The following RPE65 variants were observed in gnomAD, a reference collection of about 807,000 sequenced individuals.
The protein encoded by RPE65 is retinoid isomerohydrolase.
In RPE65, 58 loss-of-function variants were observed where a neutral mutation model predicts 68.5. The ratio of observed to expected loss-of-function variants is 0.85; its 90% CI spans 0.69 to 1.05. The LOEUF is 1.05. Among genes scored for constraint, RPE65 ranks in the 50% least tolerant of loss-of-function variants. The probability of loss-of-function intolerance (pLI) is 0.00; values close to 1 mark genes in which losing one functional copy is unlikely to be tolerated. For missense variants in RPE65, 643 were observed against 629.9 expected (o/e 1.02, Z -0.22); for synonymous variants, 220 against 222.2 (o/e 0.99, Z 0.09).
intron 13 of RPE65, among the ~76,000 whole-genome samples, chr1:68,430,309 C>A (rs1645817076): frequency 6.6e-6 from 1 of 152,134 alleles, no homozygotes; most frequent in Non-Finnish European, 1.5e-5. Context: ...CTGTGATGAT[C>A]ACATGAAAAG....
intron 10 of RPE65, among the ~76,000 whole-genome samples, chr1:68,432,696 T>G (rs1270701910): frequency 6.6e-6 from 1 of 152,064 alleles, no homozygotes; most frequent in Admixed American, 6.6e-5. Flanking sequence ...TCTTTCTCTG[T>G]GAGTGAGTGA....
chr1:68,443,125 T>C (rs554816888), intron 5 of RPE65, among the ~76,000 whole-genome samples: 169 of 152,298 alleles, frequency 1.1e-3, no homozygotes, highest in African/African-American at 4.0e-3. Flanking sequence ...TTTCAGTAGC[T>C]TCCCATTAGC....
intron 5 of RPE65, among the ~76,000 whole-genome samples, chr1:68,441,815 A>AT (rs900812452): frequency 1.6e-5 from 2 of 126,566 alleles, no homozygotes; most frequent in Admixed American, 7.1e-5. Context: ...AATTAGGGAG[A>AT]TTTTTTTAAA....
At position 68,438,219 on chromosome 1, in the gene RPE65, T is replaced by A; in HGVS notation, c.1096A>T (p.Arg366Trp). 1 of 1,613,856 alleles carries A rather than the reference T, an allele frequency of 6.2e-7. No homozygotes were observed. The highest frequency in any genetic ancestry group is 8.5e-7 in the Non-Finnish European group (1 of 1,179,794). The change falls in exon 10 of 14, where the codon AGG (arginine) becomes TGG (tryptophan). Residue 366 changes from arginine to tryptophan, a missense_variant. Coordinates refer to ENST00000262340, the MANE Select transcript of RPE65 (RefSeq NM_000329.3). ...ATATTCAAAGGAAGTACATATCTCC[T>A]AACTTCAGGTTGGGGAGCCTTTCTG... ...NARKAPQPEVRRYVLPLNIDK... is the reference protein window; with the variant it reads ...NARKAPQPEVWRYVLPLNIDK...
intron 2 of RPE65, 23 bp downstream of exon 2, chr1:68,448,601 G>C: frequency 6.2e-7 from 1 of 1,608,294 alleles, no homozygotes; most frequent in African/African-American, 1.3e-5. Flanking sequence ...AAAGAGGATG[G>C]CTTCAAGATG....
chr1:68,439,730 G>T (rs1217225322), intron 6 of RPE65, 88 bp from the exon 7 acceptor site: 9 of 1,004,104 alleles, frequency 9.0e-6, no homozygotes, highest in Non-Finnish European at 1.3e-5. Context: ...TACAGGCAAA[G>T]AAACACATTT....
At chr1:68,441,954 A>G (rs1297553518) in intron 5 of RPE65, among the ~76,000 whole-genome samples, 2 of 152,146 alleles carry the variant, frequency 1.3e-5, no homozygotes, top group African/African-American at 4.8e-5. Flanking sequence ...GAGAGAGAAG[A>G]TCTTTGCTTT....
chr1:68,446,870 A>T lies in RPE65; in HGVS notation c.95-10T>A, dbSNP rs547374432. Reference sequence around the variant, plus strand: ...CAGAGGGGGATCCTGCCTGTGATGAAGGGGAGACAGAACATTGCTTCTTAT... The same window carrying T: ...CAGAGGGGGATCCTGCCTGTGATGATGGGGAGACAGAACATTGCTTCTTAT... On this transcript the variant is annotated splice_polypyrimidine_tract_variant and intron_variant, in intron 2 of 13. Coordinates refer to ENST00000262340, the MANE Select transcript of RPE65 (RefSeq NM_000329.3). 142 of 1,612,918 alleles carry T rather than the reference A, an allele frequency of 8.8e-5. No homozygotes were observed. Among genetic ancestry groups the T allele is most frequent in the Non-Finnish European group, 1.2e-4 (141 of 1,180,028 alleles).
intron 13 of RPE65, 143 bp from the exon 14 acceptor site, chr1:68,430,070 C>T: frequency 3.8e-6 from 4 of 1,048,512 alleles, no homozygotes; most frequent in Non-Finnish European, 4.1e-6. Flanking sequence ...GACTCTTGTA[C>T]CACCTGGCAT....
chr1:68,431,617 G>T (rs372132824), intron 10 of RPE65, 32 bp from the exon 11 acceptor site: 61 of 1,571,084 alleles, frequency 3.9e-5, no homozygotes, highest in Non-Finnish European at 5.0e-5. Flanking sequence ...ACCTCAGTGA[G>T]CAGGAAAGAA....
chr1:68,433,112 T>C (rs1645838126), intron 10 of RPE65, among the ~76,000 whole-genome samples: 1 of 152,146 alleles, frequency 6.6e-6, no homozygotes, highest in African/African-American at 2.4e-5. Flanking sequence ...CTATTGGGCA[T>C]CCAAATGCAG....
intron 10 of RPE65, among the ~76,000 whole-genome samples, chr1:68,434,669 A>AT (rs5774935): frequency 0.26 from 40,167 of 151,704 alleles, 5,664 homozygotes; most frequent in South Asian, 0.39. Context: ...TTCAAGTTGA[A>AT]TTTTTTACTT....
In RPE65 at chr1:68,440,863, T is replaced by C; in HGVS notation, c.633A>G (p.Pro211=). 6.2e-7 allele frequency: 1 copy of C among 1,614,014 alleles called. No individual in the cohort carries two copies. The highest frequency in any genetic ancestry group is 8.5e-7 in the Non-Finnish European group (1 of 1,179,882). Residue 211 remains proline (P), a synonymous_variant, in exon 6 of 14, where the codon CCA becomes CCG. Transcript: ENST00000262340. Reference sequence around the variant, plus strand: ...GATTGGTAAACTCACCTGCTTGCAGTGGTGGGATCTTTACAATGTTGTAGG... The same window carrying C: ...GATTGGTAAACTCACCTGCTTGCAGCGGTGGGATCTTTACAATGTTGTAGG... ...SIAYNIVKIP[P]LQADKEDPIS... is the part of the protein sequence containing the mutation.
chr1:68,431,282 C>T lies in RPE65; in HGVS notation c.1338G>A (p.Arg446=). ...AATATTAGTAAGAAGGATTAATTACCCTATCTGGAACAAAGTGATTCAAGC... is the reference window on the plus strand; with the variant it reads ...AATATTAGTAAGAAGGATTAATTACTCTATCTGGAACAAAGTGATTCAAGC... The part of the protein sequence containing the change: ...GLGLNHFVPD[R]LCKLNVKTKE... Residue 446 remains arginine, a splice_region_variant and synonymous_variant, in exon 12 of 14, where the codon AGG becomes AGA. Coordinates refer to ENST00000262340, the MANE Select transcript of RPE65 (RefSeq NM_000329.3). The T allele has an allele frequency of 6.2e-7, 1 of 1,613,404 alleles. No homozygotes were observed. Among genetic ancestry groups the T allele is most frequent in the Non-Finnish European group, 8.5e-7 (1 of 1,179,518 alleles).
rs1329564876 is a variant in RPE65 at position 68,431,532 on chromosome 1, A to C, written c.1182T>G (p.Ile394Met). ...VTLPNTTATA[I>M]LCSDETIWLE... ...GCCAGATAGTCTCGTCACTGCACAGAATTGCAGTGGCAGTTGTATTGGGGA... is the reference window on the plus strand; with the variant it reads ...GCCAGATAGTCTCGTCACTGCACAGCATTGCAGTGGCAGTTGTATTGGGGA... Residue 394 changes from isoleucine to methionine, a missense_variant, in exon 11 of 14, where the codon ATT (isoleucine) becomes ATG (methionine). Coordinates refer to ENST00000262340, the MANE Select transcript of RPE65 (RefSeq NM_000329.3). 1 of 1,613,972 alleles carries C rather than the reference A, an allele frequency of 6.2e-7. No homozygotes were observed. Among genetic ancestry groups the C allele is most frequent in the South Asian group, 1.1e-5 (1 of 91,078 alleles).
chr1:68,439,667 C>T (rs1557600485), intron 6 of RPE65, 25 bp from the exon 7 acceptor site: 2 of 1,590,514 alleles, frequency 1.3e-6, no homozygotes, highest in Non-Finnish European at 1.7e-6. Flanking sequence ...TTTTAAAAGG[C>T]TTTGGAAGAG....
intron 5 of RPE65, among the ~76,000 whole-genome samples, 168 bp from the exon 6 acceptor site, chr1:68,441,168 A>G (rs1217137428): frequency 6.6e-6 from 1 of 152,070 alleles, no homozygotes; most frequent in East Asian, 1.9e-4. Context: ...TCCCACCTTC[A>G]TGCAGAACAT....
chr1:68,440,204 AAC>A, intron 6 of RPE65, among the ~76,000 whole-genome samples: 1 of 152,190 alleles, frequency 6.6e-6, no homozygotes, highest in Non-Finnish European at 1.5e-5. Context: ...TTGTATTTCT[AAC>A]AGTTTCCTAG....
At chr1:68,438,124 G>A in intron 10 of RPE65, 63 bp downstream of exon 10, 3 of 1,598,806 alleles carry the variant, frequency 1.9e-6, no homozygotes, top group Non-Finnish European at 2.6e-6. Context: ...GAGGCAGGAG[G>A]ACAATTCCTG....
Sources: allele counts gnomAD v4.1 joint callset (sites outside exome capture counted in the v4.1 genomes callset), GRCh38; gene constraint gnomAD v4.1.1; transcripts MANE v1.5; gene names NCBI Gene and HGNC (gene_info 2026-07-23, HGNC 2026-07-21).